Variants in TRPM1 observed in about 807,000 individuals in gnomAD.
TRPM1 encodes TRPM1-203 APA Isoform, Intron 10.
TRPM1 carries 113 observed loss-of-function variants against 149.4 expected under a neutral mutation model. The ratio of observed to expected loss-of-function variants is 0.76; its 90% CI spans 0.65 to 0.88. TRPM1 has a LOEUF of 0.88. Among genes scored for constraint, TRPM1 ranks in the 40% least tolerant of loss-of-function variants. The pLI is 0.00. For missense variants in TRPM1, 1,976 were observed against 2,038.7 expected (o/e 0.97, Z 0.59); for synonymous variants, 741 against 759.5 (o/e 0.98, Z 0.40).
intron 1 of TRPM1, among the ~76,000 whole-genome samples, chr15:31,094,099 T>C (rs2035313195): frequency 6.6e-6 from 1 of 152,158 alleles, no homozygotes; most frequent in Non-Finnish European, 1.5e-5. Flanking sequence ...GCTAAGACCA[T>C]TCAATGGGGG....
At chr15:31,098,985 T>C (rs2035456002) in intron 1 of TRPM1, among the ~76,000 whole-genome samples, 1 of 152,128 alleles carries the variant, frequency 6.6e-6, no homozygotes, top group Non-Finnish European at 1.5e-5. Context: ...AATGCATTTT[T>C]CCCCACTTAG....
chr15:31,113,937 A>G (rs1002409758), intron 1 of TRPM1, among the ~76,000 whole-genome samples: 7 of 152,132 alleles, frequency 4.6e-5, no homozygotes, highest in African/African-American at 1.7e-4. Context: ...GGCCCTGCCC[A>G]TGTCCTGCAG....
intron 21 of TRPM1, among the ~76,000 whole-genome samples, chr15:31,033,982 C>T (rs2033223747): frequency 6.6e-6 from 1 of 152,156 alleles, no homozygotes; most frequent in Admixed American, 6.5e-5. Context: ...TTCCCTCTAT[C>T]TGGACTAGGT....
chr15:31,056,431 T>G (rs576698325), intron 11 of TRPM1, among the ~76,000 whole-genome samples: 1 of 152,196 alleles, frequency 6.6e-6, no homozygotes, highest in Admixed American at 6.5e-5. Context: ...TGTGAAATTT[T>G]CAAGCACTGA....
In TRPM1 at chr15:31,107,799, G is replaced by A. The variant is rs1293556011; in HGVS notation, c.55-30815C>T. On this transcript the variant is annotated intron_variant, in intron 1 of 26. Transcript: ENST00000542188. ...TTTCTTGTGACTTTTTTAGCCCACT[G>A]GTTACTTAGAAGTATGTAATTTAAT... Among the ~76,000 whole-genome samples the A allele has an allele frequency of 3.3e-5, 5 of 150,858 alleles. 1 individual carries two copies. The highest frequency in any genetic ancestry group is 7.4e-5 in the Non-Finnish European group (5 of 67,802).
chr15:31,107,345 G>A (rs973647702), intron 1 of TRPM1, among the ~76,000 whole-genome samples: 1 of 152,150 alleles, frequency 6.6e-6, no homozygotes, highest in Non-Finnish European at 1.5e-5. Flanking sequence ...TTGGCATCCA[G>A]TTATTCATGG....
At chr15:31,108,583 T>A (rs1303641453) in intron 1 of TRPM1, among the ~76,000 whole-genome samples, 2 of 152,224 alleles carry the variant, frequency 1.3e-5, no homozygotes, top group African/African-American at 4.8e-5. Flanking sequence ...AACCTCTGCA[T>A]CCCGGGTTCA....
At chr15:31,008,115 T>C (rs2032060325) in intron 27 of TRPM1, among the ~76,000 whole-genome samples, 1 of 152,258 alleles carries the variant, frequency 6.6e-6, no homozygotes, top group African/African-American at 2.4e-5. Flanking sequence ...TATGTGATTT[T>C]CTACATAGAT....
chr15:31,016,614 C>G (rs1566990053), intron 27 of TRPM1, among the ~76,000 whole-genome samples: 1 of 152,152 alleles, frequency 6.6e-6, no homozygotes, highest in Non-Finnish European at 1.5e-5. Context: ...AACTGGCAGG[C>G]CTAAGAGCAA....
intron 27 of TRPM1, among the ~76,000 whole-genome samples, chr15:31,022,054 A>G (rs2032567821): frequency 6.6e-6 from 1 of 152,216 alleles, no homozygotes; most frequent in African/African-American, 2.4e-5. Context: ...AAGCCATGGA[A>G]AAAAGGAAAA....
chr15:31,110,458 C>T (rs1204056758), intron 1 of TRPM1, among the ~76,000 whole-genome samples: 1 of 152,188 alleles, frequency 6.6e-6, no homozygotes, highest in Non-Finnish European at 1.5e-5. Context: ...TAGGTTTCCC[C>T]ACTTGGAGGA....
chr15:31,152,426 T>C (rs2036316353), intron 1 of TRPM1, among the ~76,000 whole-genome samples: 3 of 152,190 alleles, frequency 2.0e-5, no homozygotes, highest in Admixed American at 6.5e-5. Context: ...TGCAGGGCCT[T>C]GGACAAAGTG....
intron 5 of TRPM1, 98 bp downstream of exon 5, chr15:31,067,781 T>C (rs2034421194): frequency 1.7e-6 from 2 of 1,168,370 alleles, no homozygotes; most frequent in Non-Finnish European, 2.6e-6. Context: ...CAGGATGCAA[T>C]ATGTTTTGTT....
chr15:31,069,576 A>T, intron 4 of TRPM1: 1 of 1,229,216 alleles, frequency 8.1e-7, no homozygotes, highest in African/African-American at 1.5e-5. Flanking sequence ...CCCTGTTTAC[A>T]TGCAAATGTG....
chr15:31,156,934 T>A (rs1413042696), intron 1 of TRPM1, among the ~76,000 whole-genome samples: 4 of 150,372 alleles, frequency 2.7e-5, no homozygotes, highest in South Asian at 2.1e-4. Flanking sequence ...ACATTTATTT[T>A]TTTTTTTTTG....
intron 27 of TRPM1, among the ~76,000 whole-genome samples, chr15:31,011,624 C>T (rs1489099329): frequency 1.3e-5 from 2 of 150,884 alleles, no homozygotes; most frequent in Non-Finnish European, 3.0e-5. Context: ...TTATCAGTAA[C>T]ATCTTAATTT....
intron 18 of TRPM1, among the ~76,000 whole-genome samples, chr15:31,039,090 GAT>G (rs1333375057): frequency 1.3e-5 from 2 of 149,532 alleles, no homozygotes; most frequent in African/African-American, 4.9e-5. Context: ...GTCTTAAACA[GAT>G]ATTCTTTTCT....
Position 31,002,967 on chromosome 15 carries a change from A to AT in TRPM1, c.3732dup (p.Leu1245IlefsTer3). The stretch of plus-strand genomic sequence containing the variant: ...AGAGCATTCACCATTCTGTTAGATA[A>AT]TTCTTCTAGCTGAGCAAGTCGAAGG... On this transcript the variant is annotated frameshift_variant, in exon 28 of 28. Coordinates refer to ENST00000256552, the MANE Select transcript of TRPM1 (RefSeq NM_001252024.2). LOFTEE classifies it low-confidence loss of function (END_TRUNC). 2 of 1,598,486 alleles carry AT rather than the reference A, an allele frequency of 1.3e-6. No homozygotes were observed. Among genetic ancestry groups the AT allele is most frequent in the Non-Finnish European group, 8.5e-7 (1 of 1,172,070 alleles).
chr15:31,103,615 C>T (rs554301731), upstream of TRPM1, among the ~76,000 whole-genome samples: 4 of 151,968 alleles, frequency 2.6e-5, no homozygotes, highest in South Asian at 8.3e-4. Flanking sequence ...GAGTTCGAGA[C>T]CAGCCTGGCC....
Sources: gnomAD v4.1 joint callset for allele counts (sites outside exome capture counted in the v4.1 genomes callset) on GRCh38, gnomAD v4.1.1 for gene constraint, MANE v1.5 for transcripts, NCBI Gene and HGNC (gene_info 2026-07-23, HGNC 2026-07-21) for gene names.